Variants in PPP4R1 observed in about 807,000 individuals in gnomAD.
PPP4R1 encodes the protein protein phosphatase 4 regulatory subunit 1.
A neutral mutation model predicts 111.2 loss-of-function variants in PPP4R1; 42 were observed. That is an observed-to-expected ratio of 0.38 (90% CI 0.29 to 0.49). The LOEUF is 0.49. Ranked by LOEUF, PPP4R1 falls within the 20% of genes least tolerant of loss-of-function variation. The pLI is 0.97. For missense variants in PPP4R1, 1,012 were observed against 1,161.6 expected, an observed-to-expected ratio of 0.87 and a Z score of 1.87; for synonymous variants, 409 against 405.5, an observed-to-expected ratio of 1.01 and a Z score of -0.10.
intron 10 of PPP4R1, 140 bp downstream of exon 10, chr18:9,576,924 T>C (rs1161402566): frequency 3.3e-6 from 3 of 899,884 alleles, no homozygotes; most frequent in South Asian, 3.8e-5. Context: ...TCTATAAAAA[T>C]ATTCACCAAT....
chr18:9,607,111 C>T (rs1287085499), intron 2 of PPP4R1, among the ~76,000 whole-genome samples: 1 of 152,154 alleles, frequency 6.6e-6, no homozygotes, highest in Non-Finnish European at 1.5e-5. Context: ...GTAATTCCAG[C>T]ACTTTGGGAG....
chr18:9,592,889 C>T (rs7233308), intron 4 of PPP4R1, among the ~76,000 whole-genome samples: 25,177 of 152,084 alleles, frequency 0.17, 2,921 homozygotes, highest in African/African-American at 0.33. Context: ...AGAACAAGCA[C>T]ATACATAAGC....
intron 8 of PPP4R1, 88 bp from the exon 9 acceptor site, chr18:9,583,363 CTTT>C: frequency 1.6e-6 from 2 of 1,269,544 alleles, no homozygotes; most frequent in Non-Finnish European, 2.1e-6. Flanking sequence ...TTTCACGCTT[CTTT>C]TGTTTGTTTG....
intron 9 of PPP4R1, among the ~76,000 whole-genome samples, 195 bp downstream of exon 9, chr18:9,582,922 G>A (rs1231722570): frequency 6.6e-6 from 1 of 152,100 alleles, no homozygotes; most frequent in Non-Finnish European, 1.5e-5. Context: ...GGACTTAAAT[G>A]TGTAAAGAAA....
intron 11 of PPP4R1, among the ~76,000 whole-genome samples, chr18:9,569,276 A>T (rs529026161): frequency 1.3e-3 from 204 of 152,278 alleles, no homozygotes; most frequent in African/African-American, 4.7e-3. Flanking sequence ...AATAACATTT[A>T]AACAGAAAGC....
At chr18:9,604,827 C>T (rs1404984417) in intron 2 of PPP4R1, among the ~76,000 whole-genome samples, 1 of 151,974 alleles carries the variant, frequency 6.6e-6, no homozygotes, top group Admixed American at 6.6e-5. Flanking sequence ...AAACAGAGTC[C>T]AATGCTTCTC....
At chr18:9,574,581 CT>C (rs1423286405) in intron 10 of PPP4R1, among the ~76,000 whole-genome samples, 2 of 152,088 alleles carry the variant, frequency 1.3e-5, no homozygotes, top group African/African-American at 4.8e-5. Context: ...CCATATTTCC[CT>C]AGAATAATTC....
chr18:9,578,534 T>C (rs1168900978), intron 9 of PPP4R1, among the ~76,000 whole-genome samples: 1 of 151,424 alleles, frequency 6.6e-6, no homozygotes, highest in Non-Finnish European at 1.5e-5. Flanking sequence ...TCACTGCTCC[T>C]GGCTAGCATT....
chr18:9,576,737 TATCA>T (rs1387722037), intron 10 of PPP4R1, among the ~76,000 whole-genome samples: 1 of 96,600 alleles, frequency 1.0e-5, no homozygotes, highest in Non-Finnish European at 2.1e-5. Context: ...ATATTGTAGA[TATCA>T]ATGAATGATT....
At chr18:9,588,329 G>A in intron 5 of PPP4R1, 94 bp from the exon 6 acceptor site, 1 of 1,362,462 alleles carries the variant, frequency 7.3e-7, no homozygotes, top group South Asian at 1.4e-5. Flanking sequence ...TCATCTCAAA[G>A]GGACCCATAA....
chr18:9,562,980 C>G, intron 12 of PPP4R1: 1 of 998,020 alleles, frequency 1.0e-6, no homozygotes, highest in Non-Finnish European at 1.2e-6. Flanking sequence ...CCTCAAGTCC[C>G]GATCTTCTGC....
upstream of PPP4R1, chr18:9,614,717 C>A (rs2067663026): frequency 1.4e-5 from 2 of 145,332 alleles, no homozygotes; most frequent in South Asian, 4.2e-4. The surrounding 1 kb of genome is among the most constrained non-coding windows in gnomAD (Gnocchi z 4.1). Context: ...CCCCTCCGCG[C>A]GGCTCCCGGG....
chr18:9,583,714 A>G (rs1482745528), intron 8 of PPP4R1, among the ~76,000 whole-genome samples: 1 of 152,096 alleles, frequency 6.6e-6, no homozygotes, highest in African/African-American at 2.4e-5. Context: ...ATCTATTAGT[A>G]TTTATACTCA....
chr18:9,602,443 G>T (rs553156470), intron 2 of PPP4R1, among the ~76,000 whole-genome samples: 1 of 151,312 alleles, frequency 6.6e-6, no homozygotes, highest in East Asian at 1.9e-4. Flanking sequence ...CTACTTGGGA[G>T]GCTGAGGCAG....
At chr18:9,563,589 C>A in intron 11 of PPP4R1, 39 bp from the exon 12 acceptor site, 1 of 1,487,002 alleles carries the variant, frequency 6.7e-7, no homozygotes, top group Non-Finnish European at 9.2e-7. Flanking sequence ...GTGAGAAACA[C>A]AATTGCAATA....
At chr18:9,604,074 T>G (rs2067438363) in intron 2 of PPP4R1, among the ~76,000 whole-genome samples, 1 of 152,224 alleles carries the variant, frequency 6.6e-6, no homozygotes, top group Admixed American at 6.5e-5. Context: ...CAACTCTATG[T>G]TTAAAACACT....
chr18:9,601,812 T>C (rs2067388307), intron 2 of PPP4R1, among the ~76,000 whole-genome samples: 1 of 152,102 alleles, frequency 6.6e-6, no homozygotes, highest in Non-Finnish European at 1.5e-5. Flanking sequence ...GAATTCTTAA[T>C]AGGAAGAGAA....
At chr18:9,563,707 T>C in intron 11 of PPP4R1, 157 bp from the exon 12 acceptor site, 1 of 573,988 alleles carries the variant, frequency 1.7e-6, no homozygotes, top group East Asian at 3.2e-5. Flanking sequence ...TGGTAAATCA[T>C]TAGTCCTTCA....
At chr18:9,610,980 G>A (rs1304126185) in intron 2 of PPP4R1, among the ~76,000 whole-genome samples, 1 of 151,144 alleles carries the variant, frequency 6.6e-6, no homozygotes, top group Admixed American at 6.6e-5. Context: ...CCTTTTCCCC[G>A]ACTCTGTGCC....
Sources: gnomAD v4.1 joint callset for allele counts (sites outside exome capture counted in the v4.1 genomes callset) on GRCh38, gnomAD v4.1.1 for gene constraint, Gnocchi (gnomAD v3.1) non-coding constraint, MANE v1.5 for transcripts, NCBI Gene and HGNC (gene_info 2026-07-23, HGNC 2026-07-21) for gene names.